Variants in PEX14 observed in about 807,000 individuals in gnomAD.
The protein encoded by PEX14 is peroxisomal membrane protein PEX14.
PEX14 carries 15 observed loss-of-function variants against 49.5 expected under a neutral mutation model. The observed-to-expected ratio is 0.30, with a 90% CI of 0.20 to 0.47. PEX14 has a LOEUF of 0.47. Ranked by LOEUF, PEX14 falls within the 20% of genes least tolerant of loss-of-function variation. PEX14 has a pLI of 1.00. For synonymous variants in PEX14, 210 were observed against 212.7 expected, an observed-to-expected ratio of 0.99 and a Z score of 0.11; for missense variants, 398 against 494.8, an observed-to-expected ratio of 0.80 and a Z score of 1.86.
chr1:10,515,932 C>T (rs991926122), intron 2 of PEX14, among the ~76,000 whole-genome samples: 12 of 152,228 alleles, frequency 7.9e-5, no homozygotes, highest in African/African-American at 2.9e-4. Context: ...TTGGGCATAA[C>T]GATGGCAGGT....
At chr1:10,573,966 T>C (rs1229350676) in intron 3 of PEX14, among the ~76,000 whole-genome samples, 1 of 152,178 alleles carries the variant, frequency 6.6e-6, no homozygotes, top group African/African-American at 2.4e-5. Flanking sequence ...CTGGGTGTTG[T>C]GGTGCATACC....
chr1:10,553,176 G>A (rs796253524), intron 3 of PEX14, among the ~76,000 whole-genome samples: 39 of 152,328 alleles, frequency 2.6e-4, no homozygotes, highest in African/African-American at 6.7e-4. Context: ...CAGTTATTAC[G>A]GGGATGGAGA....
At chr1:10,577,532 A>ATG (rs1640159418) in intron 3 of PEX14, among the ~76,000 whole-genome samples, 1 of 1,402 alleles carries the variant, frequency 7.1e-4, no homozygotes, top group Non-Finnish European at 3.2e-3. Context: ...CACTATACAT[A>ATG]TATATATATA....
At chr1:10,555,336 G>A (rs946469228) in intron 3 of PEX14, among the ~76,000 whole-genome samples, 2 of 151,988 alleles carry the variant, frequency 1.3e-5, no homozygotes, top group Non-Finnish European at 2.9e-5. Flanking sequence ...ACACTCACTC[G>A]AAGAGCCTTC....
intron 3 of PEX14, among the ~76,000 whole-genome samples, chr1:10,547,753 G>T (rs1035940995): frequency 3.3e-5 from 5 of 152,128 alleles, no homozygotes; most frequent in African/African-American, 1.2e-4. Flanking sequence ...GATAAAGGGA[G>T]ACTTCTGTGT....
chr1:10,604,829 G>A (rs1570339016), intron 4 of PEX14, among the ~76,000 whole-genome samples: 1 of 152,102 alleles, frequency 6.6e-6, no homozygotes, highest in East Asian at 1.9e-4. Context: ...AAAATTATTT[G>A]TATCATCTCA....
chr1:10,523,286 C>T (rs1265963225), intron 2 of PEX14, among the ~76,000 whole-genome samples: 1 of 152,110 alleles, frequency 6.6e-6, no homozygotes, highest in Admixed American at 6.5e-5. Flanking sequence ...AGCTTCGCAG[C>T]GTATAAAATA....
chr1:10,487,579 G>T (rs1557806523), intron 1 of PEX14, among the ~76,000 whole-genome samples: 1 of 139,490 alleles, frequency 7.2e-6, no homozygotes, highest in Non-Finnish European at 1.5e-5. Flanking sequence ...CTACCTCCCA[G>T]GTTCAAGCGA....
intron 3 of PEX14, among the ~76,000 whole-genome samples, chr1:10,580,717 T>G (rs1640290025): frequency 6.6e-6 from 1 of 152,000 alleles, no homozygotes; most frequent in South Asian, 2.1e-4. Flanking sequence ...TAAAAAAAAA[T>G]ACTAAGAAAT....
intron 3 of PEX14, among the ~76,000 whole-genome samples, chr1:10,587,651 T>A (rs1472186674): frequency 6.6e-6 from 1 of 152,096 alleles, no homozygotes; most frequent in Non-Finnish European, 1.5e-5. Flanking sequence ...ACAAGTGGTA[T>A]ATTCAAGGTC....
At chr1:10,535,673 A>G (rs1638777951) in intron 2 of PEX14, among the ~76,000 whole-genome samples, 1 of 152,188 alleles carries the variant, frequency 6.6e-6, no homozygotes, top group African/African-American at 2.4e-5. Context: ...CAGTACAGGC[A>G]CTGAAGAATT....
At chr1:10,578,569 G>C (rs1640218004) in intron 3 of PEX14, among the ~76,000 whole-genome samples, 2 of 152,018 alleles carry the variant, frequency 1.3e-5, no homozygotes, top group South Asian at 4.2e-4. Context: ...AGAAGAAACA[G>C]GACCCTGTGA....
At chr1:10,586,663 G>A (rs113048657) in intron 3 of PEX14, among the ~76,000 whole-genome samples, 11,525 of 113,362 alleles carry the variant, frequency 0.1, 628 homozygotes, top group East Asian at 0.24. Context: ...TTTTTGAGAC[G>A]GAGTCTCGCT....
chr1:10,524,862 A>T (rs1024772746), intron 2 of PEX14, among the ~76,000 whole-genome samples: 14 of 151,594 alleles, frequency 9.2e-5, no homozygotes, highest in South Asian at 2.1e-4. Context: ...AAAAAAACAA[A>T]TTTTTTTTTG....
At chr1:10,535,246 G>C (rs1638765683) in intron 2 of PEX14, among the ~76,000 whole-genome samples, 1 of 152,244 alleles carries the variant, frequency 6.6e-6, no homozygotes, top group Admixed American at 6.5e-5. Context: ...GTGGAAAGTA[G>C]ACAAGCCAGG....
intron 3 of PEX14, among the ~76,000 whole-genome samples, chr1:10,592,303 T>C (rs1332860181): frequency 6.6e-6 from 1 of 152,196 alleles, no homozygotes; most frequent in Non-Finnish European, 1.5e-5. Context: ...AGACCTGCTG[T>C]CTGTGGCAGC....
intron 3 of PEX14, among the ~76,000 whole-genome samples, chr1:10,541,105 A>G (rs1036326380): frequency 6.6e-6 from 1 of 152,202 alleles, no homozygotes; most frequent in Non-Finnish European, 1.5e-5. Context: ...ATAAGTGTGA[A>G]CCAAATAGGC....
chr1:10,482,410 G>A (rs1158492122), intron 1 of PEX14, among the ~76,000 whole-genome samples: 1 of 150,264 alleles, frequency 6.7e-6, no homozygotes, highest in Admixed American at 6.7e-5. Context: ...GATTATAGGC[G>A]TGAGCCCCTG....
rs1641172193 is a variant in PEX14 at position 10,475,154 on chromosome 1, C to T, written c.36+152C>T. 4.3e-6 allele frequency: 3 copies of T among 703,844 alleles called. No individual in the cohort carries two copies. In the South Asian group the frequency reaches 4.7e-5, roughly 11 times the overall value. The allele number at this position is 703,844 out of a possible 1,614,324, so 43.6% of individuals were successfully genotyped here. A position where few individuals can be genotyped will look rare whatever the true frequency, so the allele number is the denominator to read the frequency against. ...TCCTGAGCCCCGCCCCTCCCCAGGT[C>T]CTCCCCACCCGGCCCCTCCCCCCGG... On this transcript the variant is annotated intron_variant, in intron 1 of 8. Coordinates refer to ENST00000356607, the MANE Select transcript of PEX14 (RefSeq NM_004565.3).
Sources: gnomAD v4.1 joint callset for allele counts (sites outside exome capture counted in the v4.1 genomes callset) on GRCh38, gnomAD v4.1.1 for gene constraint, MANE v1.5 for transcripts, NCBI Gene and HGNC (gene_info 2026-07-23, HGNC 2026-07-21) for gene names.